The following DIP2B variants were observed in gnomAD, a reference collection of about 807,000 sequenced individuals.
DIP2B encodes disco-interacting protein 2 homolog B.
Under a neutral mutation model 198.0 loss-of-function variants are expected in DIP2B, and 76 were observed. That is an observed-to-expected ratio of 0.38 (90% CI 0.32 to 0.46). DIP2B has a LOEUF of 0.46. DIP2B is among the 20% of genes least tolerant of loss of function. The pLI, the probability that DIP2B is intolerant of heterozygous loss-of-function variation, is 0.99. For missense variants in DIP2B, 1,559 were observed against 1,978.4 expected (o/e 0.79, Z 4.02); for synonymous variants, 701 against 739.1 (o/e 0.95, Z 0.84).
At chr12:50,627,161 T>C (rs1274147336) in intron 2 of DIP2B, among the ~76,000 whole-genome samples, 2 of 152,188 alleles carry the variant, frequency 1.3e-5, no homozygotes, top group Non-Finnish European at 2.9e-5. Flanking sequence ...GATTTGCTGC[T>C]TATTGTGGAT....
chr12:50,738,489 A>AT (rs1002199257), intron 35 of DIP2B, among the ~76,000 whole-genome samples: 19 of 150,526 alleles, frequency 1.3e-4, no homozygotes, highest in Admixed American at 1.2e-3. Context: ...ACTTCGAAAA[A>AT]TTTTTTTTTT....
At chr12:50,642,719 G>T (rs1247097215) in intron 3 of DIP2B, among the ~76,000 whole-genome samples, 1 of 152,182 alleles carries the variant, frequency 6.6e-6, no homozygotes, top group Non-Finnish European at 1.5e-5. Flanking sequence ...AACCTGGGAG[G>T]CAGAGCTTGC....
chr12:50,742,650 C>T (rs1478119475), intron 37 of DIP2B, among the ~76,000 whole-genome samples: 3 of 152,036 alleles, frequency 2.0e-5, no homozygotes, highest in Non-Finnish European at 4.4e-5. Flanking sequence ...AATCCCAGCA[C>T]TTTGGGAGGC....
chr12:50,564,012 C>T (rs1482410277), intron 1 of DIP2B, among the ~76,000 whole-genome samples: 1 of 152,098 alleles, frequency 6.6e-6, no homozygotes, highest in African/African-American at 2.4e-5. Context: ...TTTTTACCTC[C>T]ACTTTCCACT....
chr12:50,746,627 C>G lies in DIP2B; in HGVS notation c.*1788C>G, dbSNP rs7303202. ...TTCCAGATCTCTTTTTCAGCATTTTCATGGAATTAATTTACACGTAATGAG... is the reference window on the plus strand; with the variant it reads ...TTCCAGATCTCTTTTTCAGCATTTTGATGGAATTAATTTACACGTAATGAG... On this transcript the variant is annotated 3_prime_UTR_variant, in exon 38 of 38. Coordinates refer to ENST00000301180, the MANE Select transcript of DIP2B (RefSeq NM_173602.3). 141,058 of 152,228 alleles carry G rather than the reference C, an allele frequency of 0.93. 65,736 individuals are homozygous for G. The highest frequency in any genetic ancestry group is 0.98 in the Non-Finnish European group (66,461 of 68,046). The allele number at this position is 152,228 out of a possible 1,614,324, so 9.4% of individuals were successfully genotyped here.
At chr12:50,505,481 C>T (rs1957958989) in intron 1 of DIP2B, among the ~76,000 whole-genome samples, 1 of 152,196 alleles carries the variant, frequency 6.6e-6, no homozygotes, top group Non-Finnish European at 1.5e-5. Context: ...TCCTCCCGGG[C>T]CCACACTGCT....
At chr12:50,728,109 G>A (rs1345686627) in intron 29 of DIP2B, among the ~76,000 whole-genome samples, 1 of 152,178 alleles carries the variant, frequency 6.6e-6, no homozygotes, top group Non-Finnish European at 1.5e-5. Context: ...CGCTGGGCAC[G>A]GTGGCTCACG....
chr12:50,652,226 T>C (rs1283662263), intron 3 of DIP2B, among the ~76,000 whole-genome samples: 1 of 151,740 alleles, frequency 6.6e-6, no homozygotes, highest in Non-Finnish European at 1.5e-5. Context: ...GGCAAGAGAA[T>C]CACTTGAACC....
At chr12:50,644,018 ACTTT>A (rs1938307088) in intron 3 of DIP2B, among the ~76,000 whole-genome samples, 1 of 152,246 alleles carries the variant, frequency 6.6e-6, no homozygotes, top group Non-Finnish European at 1.5e-5. Flanking sequence ...ATTATAAAAC[ACTTT>A]CTTATTTGAT....
intron 19 of DIP2B, among the ~76,000 whole-genome samples, chr12:50,702,235 A>G (rs1176921903): frequency 1.3e-5 from 2 of 152,088 alleles, no homozygotes; most frequent in East Asian, 3.9e-4. Context: ...AGTCCCAGCT[A>G]CTCGGGAGGC....
At chr12:50,604,465 T>C (rs1159053237) in intron 1 of DIP2B, among the ~76,000 whole-genome samples, 1 of 148,172 alleles carries the variant, frequency 6.7e-6, no homozygotes, top group African/African-American at 2.5e-5. Flanking sequence ...CTTGATTGCA[T>C]TTTTTTTTTT....
rs1339051543 is a variant in DIP2B, at chr12:50,511,091, G to A, written c.100+5851G>A. 4.0e-5 allele frequency among the ~76,000 whole-genome samples: 6 copies of A among 149,580 alleles called. No homozygotes were observed. In the East Asian group the frequency reaches 8.0e-4, roughly 20 times the overall value. On this transcript the variant is annotated intron_variant, in intron 1 of 37. Coordinates refer to ENST00000301180, the MANE Select transcript of DIP2B (RefSeq NM_173602.3). ...CTCCCAAGTAGCTGGGATTACAGGCGCCCTCCACCATGCCCAGCTAATTTT... is the reference window on the plus strand; with the variant it reads ...CTCCCAAGTAGCTGGGATTACAGGCACCCTCCACCATGCCCAGCTAATTTT...
intron 1 of DIP2B, among the ~76,000 whole-genome samples, chr12:50,588,419 G>A (rs1169671064): frequency 6.6e-6 from 1 of 152,094 alleles, no homozygotes; most frequent in Non-Finnish European, 1.5e-5. Flanking sequence ...CAAAGTGCTG[G>A]AATTACAGGC....
At chr12:50,625,895 C>T (rs1565849402) in intron 1 of DIP2B, 81 bp from the exon 2 acceptor site, 1 of 1,456,306 alleles carries the variant, frequency 6.9e-7, no homozygotes, top group African/African-American at 1.4e-5. Context: ...TTCTATAACT[C>T]TGTAATTAAT....
intron 3 of DIP2B, among the ~76,000 whole-genome samples, chr12:50,653,300 A>C (rs574025263): frequency 6.9e-6 from 1 of 144,096 alleles, no homozygotes; most frequent in South Asian, 2.2e-4. Context: ...AATTTTTGCC[A>C]GGTAATGATT....
chr12:50,592,621 G>A (rs1958829536), intron 1 of DIP2B, among the ~76,000 whole-genome samples: 1 of 152,022 alleles, frequency 6.6e-6, no homozygotes, highest in Non-Finnish European at 1.5e-5. Flanking sequence ...GGGATTACAG[G>A]CACACGCCAC....
chr12:50,565,342 C>T (rs1434798194), intron 1 of DIP2B, among the ~76,000 whole-genome samples: 1 of 151,898 alleles, frequency 6.6e-6, no homozygotes, highest in Non-Finnish European at 1.5e-5. Context: ...GTTGCCCAGG[C>T]TAGAGTGCAG....
intron 22 of DIP2B, among the ~76,000 whole-genome samples, chr12:50,713,099 T>A (rs1465690454): frequency 6.6e-6 from 1 of 152,216 alleles, no homozygotes; most frequent in Non-Finnish European, 1.5e-5. Flanking sequence ...TTTCTGGTTT[T>A]TCTTTTTAAA....
In DIP2B at chr12:50,671,297, A is replaced by G. The variant is rs1410719722; in HGVS notation, c.539A>G (p.Gln180Arg). ...GAGTCCTGGATCAACCGTTCAATTCAGGGATCGTCCACTTCTTCATCCGCA... is the reference window on the plus strand; with the variant it reads ...GAGTCCTGGATCAACCGTTCAATTCGGGGATCGTCCACTTCTTCATCCGCA... ...NAESWINRSI[Q>R]GSSTSSSASS... The change falls in exon 5 of 38, where the codon CAG (glutamine) becomes CGG (arginine). Residue 180 changes from glutamine (Q) to arginine (R), a missense_variant. Transcript: ENST00000301180. 1.9e-6 allele frequency: 3 copies of G among 1,614,066 alleles called. No homozygotes were observed. The highest frequency in any genetic ancestry group is 1.3e-5 in the African/African-American group (1 of 74,926).
Sources: gnomAD v4.1 joint callset for allele counts (sites outside exome capture counted in the v4.1 genomes callset) on GRCh38, gnomAD v4.1.1 for gene constraint, MANE v1.5 for transcripts, NCBI Gene and HGNC (gene_info 2026-07-23, HGNC 2026-07-21) for gene names.